The following WWTR1 variants were observed in gnomAD, a reference collection of about 807,000 sequenced individuals.
WWTR1 encodes the protein WW domain containing transcription regulator 1.
In WWTR1, 13 loss-of-function variants were observed where a neutral mutation model predicts 40.1. That is an observed-to-expected ratio of 0.32 (90% CI 0.21 to 0.52). WWTR1 has a LOEUF of 0.52. Ranked by LOEUF, WWTR1 falls within the 20% of genes least tolerant of loss-of-function variation. The pLI is 0.97. For synonymous variants in WWTR1, 230 were observed against 210.1 expected (o/e 1.09, Z -0.82); for missense variants, 436 against 523.1 (o/e 0.83, Z 1.63).
chr3:149,653,343 T>C (rs1713008630), intron 2 of WWTR1, among the ~76,000 whole-genome samples: 2 of 152,220 alleles, frequency 1.3e-5, no homozygotes, highest in Non-Finnish European at 2.9e-5. Context: ...GCCTGATTCA[T>C]GAGATTGAGA....
At chr3:149,594,700 C>G (rs539678189) in intron 2 of WWTR1, among the ~76,000 whole-genome samples, 1 of 151,290 alleles carries the variant, frequency 6.6e-6, no homozygotes, top group East Asian at 2.0e-4. Flanking sequence ...GGATCCTGCA[C>G]TGGGGAAAAC....
chr3:149,716,373 C>T (rs1459529815), intron 5 of WWTR1, among the ~76,000 whole-genome samples: 2 of 151,684 alleles, frequency 1.3e-5, no homozygotes, highest in Admixed American at 1.3e-4. Context: ...CAAAGGGAGA[C>T]TCCATCTCAA....
intron 3 of WWTR1, among the ~76,000 whole-genome samples, chr3:149,559,513 G>A (rs1474590164): frequency 6.6e-6 from 1 of 152,092 alleles, no homozygotes; most frequent in Admixed American, 6.5e-5. Context: ...CAGATCTGGG[G>A]AAAAGGTATA....
chr3:149,616,619 T>C (rs1397551411), intron 2 of WWTR1, among the ~76,000 whole-genome samples: 4 of 152,124 alleles, frequency 2.6e-5, no homozygotes, highest in Non-Finnish European at 5.9e-5. Flanking sequence ...ATTTTGTATT[T>C]TTAGTAGAGA....
At chr3:149,632,025 T>C (rs1194307834) in intron 2 of WWTR1, among the ~76,000 whole-genome samples, 3 of 152,094 alleles carry the variant, frequency 2.0e-5, no homozygotes, top group African/African-American at 7.2e-5. Flanking sequence ...TCCTCCCACC[T>C]TAGCTCCCCT....
At chr3:149,651,509 C>G (rs141191095) in intron 2 of WWTR1, among the ~76,000 whole-genome samples, 1 of 152,164 alleles carries the variant, frequency 6.6e-6, no homozygotes, top group African/African-American at 2.4e-5. Context: ...AGATTGAGAG[C>G]CTAGAAAACT....
intron 2 of WWTR1, among the ~76,000 whole-genome samples, chr3:149,603,182 C>T (rs1260984865): frequency 2.0e-5 from 3 of 151,558 alleles, no homozygotes; most frequent in Non-Finnish European, 4.4e-5. Context: ...TCATAAACTG[C>T]CCCCCTCACT....
At chr3:149,638,276 A>C (rs1711950689) in intron 2 of WWTR1, among the ~76,000 whole-genome samples, 1 of 152,158 alleles carries the variant, frequency 6.6e-6, no homozygotes, top group African/African-American at 2.4e-5. Flanking sequence ...AAAGGAGAGA[A>C]AACTAGGGAA....
At chr3:149,527,157 CTT>C (rs71135697) in intron 5 of WWTR1, among the ~76,000 whole-genome samples, 3 of 72,072 alleles carry the variant, frequency 4.2e-5, no homozygotes. Flanking sequence ...TCTTTTCTTT[CTT>C]TTTTTTTTTT....
At chr3:149,614,965 A>G (rs956278141) in intron 2 of WWTR1, among the ~76,000 whole-genome samples, 8 of 152,094 alleles carry the variant, frequency 5.3e-5, no homozygotes, top group African/African-American at 1.9e-4. Context: ...CCTGGGAGAC[A>G]AGAGCAAAAC....
At chr3:149,547,379 A>G (rs1736414779) in intron 3 of WWTR1, among the ~76,000 whole-genome samples, 1 of 151,992 alleles carries the variant, frequency 6.6e-6, no homozygotes, top group Admixed American at 6.6e-5. Context: ...ACAAAAAATT[A>G]TCTGGGCTTG....
intron 4 of WWTR1, among the ~76,000 whole-genome samples, chr3:149,532,249 T>C (rs921605973): frequency 2.0e-5 from 3 of 152,216 alleles, no homozygotes; most frequent in African/African-American, 7.2e-5. Flanking sequence ...GGAATTATTA[T>C]TATTTCATTT....
intron 4 of WWTR1, among the ~76,000 whole-genome samples, chr3:149,529,096 C>T (rs1218075062): frequency 6.6e-6 from 1 of 152,170 alleles, no homozygotes; most frequent in East Asian, 1.9e-4. Context: ...CCAGAGAATA[C>T]TTTTGTATGT....
At chr3:149,626,840 A>G (rs1740568194) in intron 2 of WWTR1, among the ~76,000 whole-genome samples, 1 of 152,162 alleles carries the variant, frequency 6.6e-6, no homozygotes, top group Admixed American at 6.5e-5. Context: ...CAGGTTGTTG[A>G]ACACCTACTC....
At chr3:149,720,623 A>C (rs1715731646) in intron 4 of WWTR1, among the ~76,000 whole-genome samples, 1 of 151,906 alleles carries the variant, frequency 6.6e-6, no homozygotes, top group Non-Finnish European at 1.5e-5. Context: ...TTTCATATGA[A>C]TATTAAGATT....
chr3:149,526,051 G>T lies in WWTR1; in HGVS notation c.980C>A (p.Pro327Gln), dbSNP rs1338920465. 6.2e-7 allele frequency: 1 copy of T among 1,607,650 alleles called. No individual in the cohort carries two copies. The highest frequency in any genetic ancestry group is 1.3e-5 in the African/African-American group (1 of 74,650). ...ATCCACATTGCTGAGGAAGTCCTCC[G>T]GAGTTGTGGGGACACTGTAGCACCC... ...GLGCYSVPTT[P>Q]EDFLSNVDEM... The change falls in exon 6 of 7, where the codon CCG (proline) becomes CAG (glutamine). Residue 327 changes from proline to glutamine, a missense_variant. By Grantham distance (76) the Pro-to-Gln change is moderately conservative. Transcript: ENST00000360632.
At chr3:149,700,493 A>G (rs1715135621) in intron 1 of WWTR1, among the ~76,000 whole-genome samples, 1 of 152,136 alleles carries the variant, frequency 6.6e-6, no homozygotes, top group Non-Finnish European at 1.5e-5. Context: ...ACTAAGCTCA[A>G]TTTCAGAAAC....
At chr3:149,615,861 C>T (rs1434138122) in intron 2 of WWTR1, among the ~76,000 whole-genome samples, 7 of 152,146 alleles carry the variant, frequency 4.6e-5, no homozygotes, top group Admixed American at 6.5e-5. Flanking sequence ...TATTATTGTA[C>T]GTGAGCATGT....
At chr3:149,542,561 AT>A in intron 3 of WWTR1, 24 bp from the exon 4 acceptor site, 1 of 1,588,736 alleles carries the variant, frequency 6.3e-7, no homozygotes, top group Non-Finnish European at 8.6e-7. Flanking sequence ...GAACATACAG[AT>A]TAATGACCAG....
Sources: gnomAD v4.1 joint callset for allele counts (sites outside exome capture counted in the v4.1 genomes callset) on GRCh38, gnomAD v4.1.1 for gene constraint, MANE v1.5 for transcripts, NCBI Gene and HGNC (gene_info 2026-07-23, HGNC 2026-07-21) for gene names.